The following ITGB2 variants were observed in gnomAD, a reference collection of about 807,000 sequenced individuals.
ITGB2 encodes the protein integrin beta-2.
A neutral mutation model predicts 86.8 loss-of-function variants in ITGB2; 56 were observed. The ratio of observed to expected loss-of-function variants is 0.65; its 90% CI spans 0.52 to 0.81. ITGB2 has a LOEUF of 0.81. Ranked by LOEUF, ITGB2 falls within the 30% of genes least tolerant of loss-of-function variation. ITGB2 has a pLI of 0.00. For missense variants in ITGB2, 948 were observed against 1,061.2 expected (o/e 0.89, Z 1.48); for synonymous variants, 457 against 450.4 (o/e 1.01, Z -0.19).
chr21:44,922,243 T>C (rs1190172574), upstream of ITGB2, among the ~76,000 whole-genome samples: 1 of 152,190 alleles, frequency 6.6e-6, no homozygotes, highest in African/African-American at 2.4e-5. Context: ...CGTTCCATCC[T>C]ATCTGGGGAG....
At chr21:44,910,520 T>C in intron 2 of ITGB2, 148 bp from the exon 3 acceptor site, 1 of 1,510,918 alleles carries the variant, frequency 6.6e-7, no homozygotes, top group African/African-American at 1.4e-5. Context: ...CACCCCCAGG[T>C]GCAAAGAGGG....
At chr21:44,920,501 C>G (rs1051564849) in intron 1 of ITGB2, among the ~76,000 whole-genome samples, 6 of 152,158 alleles carry the variant, frequency 3.9e-5, no homozygotes, top group African/African-American at 1.4e-4. Flanking sequence ...ACCAGGACCC[C>G]CCAGCCGTCC....
At chr21:44,919,023 A>C (rs75817923) in intron 1 of ITGB2, among the ~76,000 whole-genome samples, 6 of 144,936 alleles carry the variant, frequency 4.1e-5, no homozygotes, top group Admixed American at 2.1e-4. Flanking sequence ...ACTCGGAGGC[A>C]CCTGCAGTTG....
rs754067392 is a variant in ITGB2 at position 44,906,979 on chromosome 21, C to T, written c.264G>A (p.Gln88=). The T allele has an allele frequency of 6.2e-7, 1 of 1,614,172 alleles. No individual in the cohort carries two copies. ...GCTTCTGGCCCCCATTGTGGTCTTC[C>T]TGGGTTTCAGCGAGGCTTGTGGGGT... is the stretch of plus-strand genomic sequence containing the variant. ...IMDPTSLAET[Q]EDHNGGQKQL... is the part of the protein sequence containing the mutation. Residue 88 remains glutamine, a synonymous_variant, in exon 4 of 16, where the codon CAG becomes CAA. Coordinates refer to ENST00000652462, the MANE Select transcript of ITGB2 (RefSeq NM_000211.5).
At chr21:44,888,389 G>A (rs1022975388) in intron 14 of ITGB2, among the ~76,000 whole-genome samples, 3 of 152,370 alleles carry the variant, frequency 2.0e-5, no homozygotes, top group African/African-American at 4.8e-5. Context: ...GAGATGGCCC[G>A]GGCCGTGTGG....
chr21:44,907,216 A>T (rs1227496217), intron 3 of ITGB2, 121 bp from the exon 4 acceptor site: 1 of 726,286 alleles, frequency 1.4e-6, no homozygotes, highest in Non-Finnish European at 2.2e-6. Context: ...GGAATTTGGG[A>T]CAGAAGTCCC....
intron 1 of ITGB2, among the ~76,000 whole-genome samples, chr21:44,927,201 G>A (rs4818984): frequency 6.6e-6 from 1 of 152,062 alleles, no homozygotes; most frequent in Non-Finnish European, 1.5e-5. Flanking sequence ...CCCCATAGGA[G>A]CAGGGTTTGA....
At position 44,892,015 on chromosome 21, in the gene ITGB2, C is replaced by A. The variant is rs375555430; in HGVS notation, c.1225-19G>T. On this transcript the variant is annotated intron_variant, in intron 10 of 15. Transcript: ENST00000652462. ...AGGTGATCTGCAGGGCAGTGCTGGGCTCAGGTGGGGACCCTCGGTGGCCAG... is the reference window on the plus strand; with the variant it reads ...AGGTGATCTGCAGGGCAGTGCTGGGATCAGGTGGGGACCCTCGGTGGCCAG... 6.2e-7 allele frequency: 1 copy of A among 1,609,230 alleles called. No individual in the cohort carries two copies.
intron 14 of ITGB2, 36 bp from the exon 15 acceptor site, chr21:44,886,938 GC>G: frequency 6.2e-7 from 1 of 1,608,242 alleles, no homozygotes. Flanking sequence ...CGTCAGTCCA[GC>G]CCCATCTCAC....
At chr21:44,886,494 C>T in intron 15 of ITGB2, 64 bp from the exon 16 acceptor site, 1 of 1,540,606 alleles carries the variant, frequency 6.5e-7, no homozygotes, top group Non-Finnish European at 9.0e-7. Flanking sequence ...ATCTTTCTCC[C>T]TGAGGACACT....
chr21:44,921,687 C>A (rs551351449), upstream of ITGB2, among the ~76,000 whole-genome samples: 1 of 152,104 alleles, frequency 6.6e-6, no homozygotes, highest in South Asian at 2.1e-4. Context: ...CACATTACTA[C>A]CCTAAACTCT....
intron 1 of ITGB2, among the ~76,000 whole-genome samples, chr21:44,920,588 T>G (rs2084288514): frequency 6.6e-6 from 1 of 151,878 alleles, no homozygotes; most frequent in South Asian, 2.1e-4. Context: ...GCCGGCCCCA[T>G]CCTCAGCCGC....
intron 14 of ITGB2, 139 bp downstream of exon 14, chr21:44,888,554 G>T: frequency 2.1e-6 from 2 of 966,956 alleles, no homozygotes; most frequent in Non-Finnish European, 3.2e-6. Flanking sequence ...CAATGCCAAG[G>T]GCATCCCGCA....
chr21:44,892,439 G>T (rs1196551837), intron 10 of ITGB2, among the ~76,000 whole-genome samples: 2 of 152,092 alleles, frequency 1.3e-5, no homozygotes, highest in African/African-American at 2.4e-5. Flanking sequence ...GGCCAACATG[G>T]CGAAACTCTG....
chr21:44,920,605 T>C (rs761654808), intron 1 of ITGB2, among the ~76,000 whole-genome samples: 5 of 151,778 alleles, frequency 3.3e-5, no homozygotes, highest in Non-Finnish European at 7.4e-5. Context: ...CCGCAAGCGC[T>C]CCCAGCACAC....
rs780626590 is a variant in ITGB2, at chr21:44,901,571, A to G, written c.662T>C (p.Val221Ala). Residue 221 changes from valine (V) to alanine (A), a missense_variant, in exon 6 of 16, where the codon GTC becomes GCC. By Grantham distance (64) the Val-to-Ala change is moderately conservative (BLOSUM62 0). Transcript: ENST00000652462. ...GTTTCCGGAAATCAGCTGCTTCCCG[A>G]CCTCGGTCTGAAACTGGTTGGAGTT... ...TNNSNQFQTE[V>A]GKQLISGNLD... 2 of 1,614,172 alleles carry G rather than the reference A, an allele frequency of 1.2e-6. No homozygotes were observed. Among genetic ancestry groups the G allele is most frequent in the East Asian group, 2.2e-5 (1 of 44,876 alleles).
rs1038389954 is a variant in ITGB2, at chr21:44,907,067, G to A, written c.176C>T (p.Ser59Phe). 3.1e-6 allele frequency: 5 copies of A among 1,609,180 alleles called. No individual in the cohort carries two copies. The Admixed American group carries it at 5.0e-5, about 16-fold the overall frequency. ...LNFTGPGDPD[S>F]IRCDTRPQLL... ...CTGTGGCCGGGTGTCGCAGCGAATG[G>A]AGTCAGGATCCCCCGGCCCTGTGAA... The change falls in exon 4 of 16, where the codon TCC (serine) becomes TTC (phenylalanine). Residue 59 changes from serine (S) to phenylalanine (F), a missense_variant. Coordinates refer to ENST00000652462, the MANE Select transcript of ITGB2 (RefSeq NM_000211.5).
chr21:44,906,838 G>A (rs2146538377), intron 4 of ITGB2, 77 bp downstream of exon 4: 1 of 1,511,014 alleles, frequency 6.6e-7, no homozygotes, highest in South Asian at 1.1e-5. Context: ...TGACACCCCA[G>A]AGCAGGGCCG....
chr21:44,894,992 A>T lies in ITGB2; in HGVS notation c.1062T>A (p.His354Gln), dbSNP rs235330. ...TCACATTGTAAGCATTCTTAATGAG[A>T]TGGACCACATTGCTGGAGTCCTCAG... ...ELSEDSSNVV[H>Q]LIKNAYNKLS... Residue 354 changes from histidine (H) to glutamine (Q), a missense_variant, in exon 9 of 16, where the codon CAT becomes CAA. Physicochemically the swap from His to Gln is conservative, Grantham distance 24. Transcript: ENST00000652462. 110 of 1,610,844 alleles carry T rather than the reference A, an allele frequency of 6.8e-5. No individual in the cohort carries two copies. Among genetic ancestry groups the T allele is most frequent in the Non-Finnish European group, 9.2e-5 (108 of 1,177,406 alleles).
Sources: gnomAD v4.1 joint callset for allele counts (sites outside exome capture counted in the v4.1 genomes callset) on GRCh38, gnomAD v4.1.1 for gene constraint, MANE v1.5 for transcripts, NCBI Gene and HGNC (gene_info 2026-07-23, HGNC 2026-07-21) for gene names.